The following KLKB1 variants were observed in gnomAD, a reference collection of about 807,000 sequenced individuals.
The protein encoded by KLKB1 is plasma kallikrein.
A neutral mutation model predicts 73.6 loss-of-function variants in KLKB1; 58 were observed. That is an observed-to-expected ratio of 0.79 (90% confidence interval 0.64 to 0.98). The LOEUF is 0.98. Among genes scored for constraint, KLKB1 ranks in the 50% least tolerant of loss-of-function variants. The pLI is 0.00. For missense variants in KLKB1, 737 were observed against 763.8 expected, an observed-to-expected ratio of 0.96 and a Z score of 0.41; for synonymous variants, 280 against 258.1, an observed-to-expected ratio of 1.08 and a Z score of -0.81.
intron 11 of KLKB1, among the ~76,000 whole-genome samples, chr4:186,252,723 C>A (rs372006726): frequency 6.7e-6 from 1 of 150,240 alleles, no homozygotes; most frequent in East Asian, 2.0e-4. Flanking sequence ...CACCACCGAT[C>A]CCGCCACCAA....
intron 6 of KLKB1, among the ~76,000 whole-genome samples, chr4:186,245,824 G>GTTTTTTTTTTTTTTTTTTTTTTTTTTT (rs1402408736): frequency 1.8e-5 from 2 of 109,992 alleles, no homozygotes; most frequent in Non-Finnish European, 2.0e-5. Context: ...TTGTTTTTTG[G>GTTTTTTTTTTTTTTTTTTTTTTTTTTT]TTTTTTTTTT....
intron 2 of KLKB1, among the ~76,000 whole-genome samples, chr4:186,213,708 A>G (rs552756001): frequency 1.3e-5 from 2 of 152,320 alleles, no homozygotes; most frequent in African/African-American, 4.8e-5. Flanking sequence ...TTGGGGCTCT[A>G]TGCATTGTCA....
At chr4:186,255,971 A>G in intron 12 of KLKB1, 21 bp from the exon 13 acceptor site, 4 of 1,475,818 alleles carry the variant, frequency 2.7e-6, no homozygotes, top group Non-Finnish European at 3.8e-6. Flanking sequence ...ACCAAACTCT[A>G]ATTTAAAAAT....
intron 6 of KLKB1, among the ~76,000 whole-genome samples, chr4:186,247,377 TAC>T (rs1738410781): frequency 6.7e-6 from 1 of 149,718 alleles, no homozygotes; most frequent in Admixed American, 6.7e-5. Flanking sequence ...AGTGGAAAAT[TAC>T]AGTCAAAGGG....
intron 6 of KLKB1, 49 bp from the exon 7 acceptor site, chr4:186,250,194 T>C (rs78605761): frequency 0.014 from 21,834 of 1,550,548 alleles, 236 homozygotes; most frequent in Non-Finnish European, 0.015. Flanking sequence ...CAAGCAAATT[T>C]AGCCTCATGT....
chr4:186,257,207 A>G lies in KLKB1; in HGVS notation c.1586-19A>G, dbSNP rs1486088744. On this transcript the variant is annotated intron_variant, in intron 13 of 14. Coordinates refer to ENST00000264690, the MANE Select transcript of KLKB1 (RefSeq NM_000892.5). ...TTATTATTAACTTCCCTCTGAGGTT[A>G]TATATTGGTTACTCACAGGTGAAAT... 4.1e-6 allele frequency: 6 copies of G among 1,459,452 alleles called. No homozygotes were observed. The East Asian group carries it at 1.2e-4, about 28-fold the overall frequency. The allele number at this position is 1,459,452 out of a possible 1,614,324, so 90.4% of individuals were successfully genotyped here.
At chr4:186,238,882 AGTG>A in intron 6 of KLKB1, among the ~76,000 whole-genome samples, 1 of 151,554 alleles carries the variant, frequency 6.6e-6, no homozygotes, top group African/African-American at 2.4e-5. Flanking sequence ...AAACTAGTAC[AGTG>A]ATACTGTTAG....
intron 9 of KLKB1, 48 bp from the exon 10 acceptor site, chr4:186,251,701 T>G (rs1349052423): frequency 6.2e-7 from 1 of 1,606,806 alleles, no homozygotes. Context: ...TTTCATATTC[T>G]CTTTCCCCCT....
At chr4:186,250,452 C>A in intron 7 of KLKB1, 50 bp downstream of exon 7, 1 of 1,580,934 alleles carries the variant, frequency 6.3e-7, no homozygotes, top group Non-Finnish European at 8.7e-7. Flanking sequence ...GCATGGGGAG[C>A]ACTTGCTGCT....
chr4:186,222,504 G>GTAAC (rs1189544411), upstream of KLKB1, among the ~76,000 whole-genome samples: 6 of 151,952 alleles, frequency 3.9e-5, no homozygotes, highest in Non-Finnish European at 7.4e-5. Flanking sequence ...TTTTAATCTG[G>GTAAC]TAACAACTTT....
Position 186,252,186 on chromosome 4 carries a change from G to T in KLKB1, c.1313+1G>T, listed in dbSNP as rs779927336. On this transcript the variant is annotated splice_donor_variant, in intron 11 of 14. Coordinates refer to ENST00000264690, the MANE Select transcript of KLKB1 (RefSeq NM_000892.5). LOFTEE classifies it high-confidence loss of function. Reference sequence around the variant, plus strand: ...TCACTGCTGCCCACTGCTTTGATGGGTAAGTGTTGGATGCATCTCATCCAG... The same window carrying T: ...TCACTGCTGCCCACTGCTTTGATGGTTAAGTGTTGGATGCATCTCATCCAG... 6.5e-5 allele frequency: 105 copies of T among 1,613,346 alleles called. No individual in the cohort carries two copies. The highest frequency in any genetic ancestry group is 8.8e-5 in the Non-Finnish European group (104 of 1,179,928).
intron 6 of KLKB1, among the ~76,000 whole-genome samples, chr4:186,244,047 C>G (rs1234935056): frequency 6.6e-6 from 1 of 152,156 alleles, no homozygotes; most frequent in South Asian, 2.1e-4. Context: ...AACAGAAAGG[C>G]TACAGGGCGT....
Position 186,253,887 on chromosome 4 carries a change from G to A in KLKB1, c.1314-701G>A, listed in dbSNP as rs1032492835. On this transcript the variant is annotated intron_variant, in intron 11 of 14. Transcript: ENST00000264690. ...GTCTCTCTCTGTTGCCCAGAGTAGA[G>A]TGCAGTGGCACAATCTTGGTTCACT... Among the ~76,000 whole-genome samples the A allele has an allele frequency of 7.2e-5, 11 of 151,826 alleles. No homozygotes were observed. In the East Asian group the frequency reaches 1.9e-3, roughly 27 times the overall value.
Position 186,250,342 on chromosome 4 carries a change from A to G in KLKB1, c.698A>G (p.Tyr233Cys), listed in dbSNP as rs1738599623. The G allele has an allele frequency of 6.2e-7, 1 of 1,614,110 alleles. No individual in the cohort carries two copies. The highest frequency in any genetic ancestry group is 2.2e-5 in the East Asian group (1 of 44,882). Residue 233 changes from tyrosine to cysteine, a missense_variant, in exon 7 of 15, where the codon TAT (tyrosine) becomes TGT (cysteine). Coordinates refer to ENST00000264690, the MANE Select transcript of KLKB1 (RefSeq NM_000892.5). ...TTTGTGTGTCGGACCATCTGCACCT[A>G]TCACCCCAACTGCCTCTTCTTTACA... ...DAFVCRTICT[Y>C]HPNCLFFTFY...
intron 11 of KLKB1, among the ~76,000 whole-genome samples, chr4:186,253,404 G>A (rs753495942): frequency 6.6e-6 from 1 of 152,176 alleles, no homozygotes; most frequent in Admixed American, 6.5e-5. Context: ...CCTTGTCATC[G>A]TGTGAAGGGG....
rs200963372 is a variant in KLKB1, at chr4:186,215,449, G to GCTTT, written c.201+6179_201+6182dup. Among the ~76,000 whole-genome samples the GCTTT allele has an allele frequency of 3.6e-4, 47 of 131,616 alleles. No individual in the cohort carries two copies. The East Asian group carries it at 9.2e-3, about 26-fold the overall frequency. The allele number at this position is 131,616 out of a possible 152,430, so 86.3% of individuals were successfully genotyped here. The stretch of plus-strand genomic sequence containing the variant: ...TCTCTCTCTCTCTCCTTGCTTGCTT[G>GCTTT]CTTTCCTTTTTTTTTTTCTATATTC... On this transcript the variant is annotated intron_variant, in intron 2 of 14. Coordinates refer to the KLKB1 transcript ENST00000511608.
chr4:186,225,427 T>C (rs1025902052), upstream of KLKB1, among the ~76,000 whole-genome samples: 3 of 141,058 alleles, frequency 2.1e-5, no homozygotes, highest in African/African-American at 8.1e-5. Context: ...GGATTTCTTT[T>C]TTTTTTTTTT....
chr4:186,228,724 C>T (rs1291841501), intron 2 of KLKB1: 1 of 155,736 alleles, frequency 6.4e-6, no homozygotes, highest in African/African-American at 2.4e-5. Flanking sequence ...ATGAAAGTAA[C>T]TGGTTTAAAT....
intron 7 of KLKB1, 34 bp downstream of exon 7, chr4:186,250,436 G>C (rs536698609): frequency 6.2e-7 from 1 of 1,606,888 alleles, no homozygotes; most frequent in Non-Finnish European, 8.5e-7. Flanking sequence ...TCACAAAGGC[G>C]AGTATGCATG....
Sources: allele counts gnomAD v4.1 joint callset (sites outside exome capture counted in the v4.1 genomes callset), GRCh38; gene constraint gnomAD v4.1.1; transcripts MANE v1.5; gene names NCBI Gene and HGNC (gene_info 2026-07-23, HGNC 2026-07-21).